The following KHDRBS2 variants were observed in gnomAD, a reference collection of about 807,000 sequenced individuals.
KHDRBS2 encodes KH domain-containing, RNA-binding, signal transduction-associated protein 2.
Under a neutral mutation model 44.3 loss-of-function variants are expected in KHDRBS2, and 26 were observed. The ratio of observed to expected loss-of-function variants is 0.59; its 90% CI spans 0.43 to 0.81. The LOEUF (loss-of-function observed/expected upper bound fraction) is 0.81, where lower values mean the gene tolerates loss of function less well. Ranked by LOEUF, KHDRBS2 falls within the 40% of genes least tolerant of loss-of-function variation. The pLI is 0.00. For synonymous variants in KHDRBS2, 194 were observed against 151.1 expected (o/e 1.28, Z -2.08); for missense variants, 476 against 433.1 (o/e 1.10, Z -0.88).
chr6:62,053,730 CCAA>C (rs1460839588), intron 2 of KHDRBS2, among the ~76,000 whole-genome samples: 1 of 151,720 alleles, frequency 6.6e-6, no homozygotes, highest in East Asian at 1.9e-4. Flanking sequence ...TTATTCAGCA[CCAA>C]CGACTCAAAC....
At chr6:61,677,460 G>A (rs1766009043), downstream of KHDRBS2, among the ~76,000 whole-genome samples, 1 of 151,868 alleles carries the variant, frequency 6.6e-6, no homozygotes, top group Non-Finnish European at 1.5e-5. Context: ...AAGAACTTTA[G>A]TTGAAGCAAT....
At chr6:61,945,169 A>G (rs1813111217) in intron 4 of KHDRBS2, among the ~76,000 whole-genome samples, 1 of 124,322 alleles carries the variant, frequency 8.0e-6, no homozygotes, top group Non-Finnish European at 1.7e-5. Context: ...ACTTGTCTTG[A>G]TAAAGTTTAT....
At chr6:62,094,179 T>A (rs1282420130) in intron 2 of KHDRBS2, among the ~76,000 whole-genome samples, 4 of 151,916 alleles carry the variant, frequency 2.6e-5, no homozygotes, top group South Asian at 2.1e-4. Context: ...TTTCCTTGTC[T>A]TCACCTTCTC....
chr6:61,911,460 A>C (rs750340459), intron 4 of KHDRBS2, among the ~76,000 whole-genome samples: 13 of 152,194 alleles, frequency 8.5e-5, no homozygotes, highest in Non-Finnish European at 1.9e-4. Flanking sequence ...GAAACATTTC[A>C]ATAAAATAGT....
chr6:62,110,581 G>C (rs1804768062), intron 2 of KHDRBS2, among the ~76,000 whole-genome samples: 1 of 152,056 alleles, frequency 6.6e-6, no homozygotes, highest in Non-Finnish European at 1.5e-5. Flanking sequence ...AGTGAAAGAA[G>C]TCAGACTCCT....
chr6:62,206,330 CTG>C (rs536005706), intron 1 of KHDRBS2, among the ~76,000 whole-genome samples: 1 of 152,054 alleles, frequency 6.6e-6, no homozygotes, highest in Non-Finnish European at 1.5e-5. Context: ...ACATCTCTAA[CTG>C]TGTAGCTTTT....
At chr6:61,706,050 G>A (rs1769490816) in intron 7 of KHDRBS2, among the ~76,000 whole-genome samples, 1 of 151,770 alleles carries the variant, frequency 6.6e-6, no homozygotes, top group South Asian at 2.1e-4. Flanking sequence ...TTGGCCAAAT[G>A]AATAAACTGA....
chr6:62,264,671 T>C (rs564017442), intron 1 of KHDRBS2, among the ~76,000 whole-genome samples: 3 of 151,950 alleles, frequency 2.0e-5, no homozygotes, highest in South Asian at 2.1e-4. Context: ...TTTACACTTA[T>C]TGAGACATAT....
chr6:61,681,519 T>G (rs1209113891), intron 8 of KHDRBS2, among the ~76,000 whole-genome samples: 1 of 151,858 alleles, frequency 6.6e-6, no homozygotes, highest in Non-Finnish European at 1.5e-5. Context: ...TTTCAAATAC[T>G]CCCCAGATGA....
chr6:62,185,157 T>C (rs748861456), intron 1 of KHDRBS2, among the ~76,000 whole-genome samples: 2 of 151,978 alleles, frequency 1.3e-5, no homozygotes, highest in African/African-American at 2.4e-5. Flanking sequence ...GTTTTGATAT[T>C]ATTACACCTC....
intron 3 of KHDRBS2, among the ~76,000 whole-genome samples, chr6:61,998,042 C>T (rs557702411): frequency 2.0e-5 from 3 of 152,202 alleles, no homozygotes; most frequent in Non-Finnish European, 4.4e-5. Flanking sequence ...TAATTTTAAA[C>T]CTGAATTATA....
chr6:62,151,117 T>G (rs1815080885), intron 2 of KHDRBS2, among the ~76,000 whole-genome samples: 1 of 152,204 alleles, frequency 6.6e-6, no homozygotes, highest in Non-Finnish European at 1.5e-5. Context: ...ACCGTCAAAT[T>G]CTGGCTTAGC....
At chr6:62,254,264 T>A (rs1837013835) in intron 1 of KHDRBS2, among the ~76,000 whole-genome samples, 2 of 152,176 alleles carry the variant, frequency 1.3e-5, no homozygotes, top group South Asian at 4.1e-4. Context: ...AAGGAGACAT[T>A]TGTAACCTTG....
intron 2 of KHDRBS2, among the ~76,000 whole-genome samples, chr6:62,056,159 G>C (rs1361788692): frequency 6.6e-6 from 1 of 151,196 alleles, no homozygotes; most frequent in Non-Finnish European, 1.5e-5. Context: ...AGTGGCTTTT[G>C]TTTGCCTGTC....
the KHDRBS2 span, among the ~76,000 whole-genome samples, chr6:61,607,519 G>GAAAAAAAAA: frequency 0.071 from 1,654 of 23,206 alleles, 308 homozygotes; most frequent in African/African-American, 0.093. Flanking sequence ...TGAGTTCCAA[G>GAAAAAAAAA]CAAAAAAAAA....
chr6:61,945,659 AT>A (rs34871602), intron 4 of KHDRBS2, among the ~76,000 whole-genome samples: 26 of 133,934 alleles, frequency 1.9e-4, no homozygotes, highest in Admixed American at 5.3e-4. Context: ...CTTGATTTCA[AT>A]TTTTTTCTAC....
At chr6:61,949,247 T>A (rs1190218699) in intron 4 of KHDRBS2, among the ~76,000 whole-genome samples, 1 of 152,154 alleles carries the variant, frequency 6.6e-6, no homozygotes, top group Non-Finnish European at 1.5e-5. Flanking sequence ...GGTATTATTT[T>A]GACTTGTGAC....
chr6:61,671,747 A>T, the KHDRBS2 span, among the ~76,000 whole-genome samples: 3 of 151,730 alleles, frequency 2.0e-5, no homozygotes, highest in Admixed American at 1.3e-4. Flanking sequence ...AATATTTAAC[A>T]CTGAATGGTA....
intron 2 of KHDRBS2, among the ~76,000 whole-genome samples, chr6:62,061,751 T>C (rs973281060): frequency 6.7e-6 from 1 of 149,712 alleles, no homozygotes; most frequent in Non-Finnish European, 1.5e-5. Context: ...TTCTCCTGGA[T>C]AATATCCTGC....
Sources: gnomAD v4.1 joint callset for allele counts (sites outside exome capture counted in the v4.1 genomes callset) on GRCh38, gnomAD v4.1.1 for gene constraint, MANE v1.5 for transcripts, NCBI Gene and HGNC (gene_info 2026-07-23, HGNC 2026-07-21) for gene names.